The following PDPN variants were observed in gnomAD, a reference collection of about 807,000 sequenced individuals.
PDPN encodes the protein PA2.26 antigen.
A neutral mutation model predicts 23.2 loss-of-function variants in PDPN; 12 were observed. The ratio of observed to expected loss-of-function variants is 0.52; its 90% CI spans 0.33 to 0.84. The LOEUF (loss-of-function observed/expected upper bound fraction) is 0.84. Ranked by LOEUF, PDPN falls within the 40% of genes least tolerant of loss-of-function variation. The pLI is 0.02. For synonymous variants in PDPN, 77 were observed against 76.7 expected (o/e 1.00, Z -0.02); for missense variants, 199 against 212.2 (o/e 0.94, Z 0.39).
At chr1:13,587,245 A>C (rs906990593) in intron 1 of PDPN, among the ~76,000 whole-genome samples, 1 of 152,208 alleles carries the variant, frequency 6.6e-6, no homozygotes, top group Non-Finnish European at 1.5e-5. Flanking sequence ...TCATTCTGCA[A>C]ATAGTTATTA....
chr1:13,593,556 C>T (rs910591996), intron 1 of PDPN, among the ~76,000 whole-genome samples: 5 of 152,174 alleles, frequency 3.3e-5, no homozygotes, highest in Non-Finnish European at 2.9e-5. Flanking sequence ...GGCCAAGGGA[C>T]GCTAGTGGAA....
intron 1 of PDPN, among the ~76,000 whole-genome samples, chr1:13,593,687 A>C (rs776541917): frequency 2.0e-5 from 3 of 152,150 alleles, no homozygotes; most frequent in Non-Finnish European, 4.4e-5. Context: ...TCCCTCTTGC[A>C]AAATCAGGGC....
chr1:13,586,401 A>G (rs1640180020), intron 1 of PDPN, among the ~76,000 whole-genome samples: 1 of 152,208 alleles, frequency 6.6e-6, no homozygotes, highest in African/African-American at 2.4e-5. Flanking sequence ...AGCATTGAAT[A>G]TAGAAAAGCA....
chr1:13,583,861 G>A lies in PDPN; in HGVS notation c.-173G>A. 1 of 1,597,266 alleles carries A rather than the reference G, an allele frequency of 6.3e-7. No individual in the cohort carries two copies. The highest frequency in any genetic ancestry group is 8.5e-7 in the Non-Finnish European group (1 of 1,172,240). On this transcript the variant is annotated 5_prime_UTR_variant, in exon 1 of 6. Transcript: ENST00000621990. ...GCAAAGTTTGCTGTCCGGCTGCCTA[G>A]GGTCTGGGAAGCTCGGGCACCCTCC...
chr1:13,585,594 G>A, intron 1 of PDPN: 9 of 1,352,062 alleles, frequency 6.7e-6, no homozygotes, highest in Non-Finnish European at 8.8e-6. Context: ...TTTGCCCAGG[G>A]AAGCTTTAGC....
intron 1 of PDPN, among the ~76,000 whole-genome samples, chr1:13,588,972 C>T (rs114699846): frequency 1.9e-5 from 1 of 53,272 alleles, no homozygotes; most frequent in African/African-American, 1.3e-4. Context: ...GCCAACAATT[C>T]ATTGAATAGC....
Position 13,607,158 on chromosome 1 carries a change from A to C in PDPN, c.68-15A>C. 1 of 1,612,186 alleles carries C rather than the reference A, an allele frequency of 6.2e-7. No individual in the cohort carries two copies. The highest frequency in any genetic ancestry group is 8.5e-7 in the Non-Finnish European group (1 of 1,179,182). ...AATTTCCACCTTAAGCTCTGACTCAATCTTTCTTCTTCAGCCAGCACAGGC... is the reference window on the plus strand; with the variant it reads ...AATTTCCACCTTAAGCTCTGACTCACTCTTTCTTCTTCAGCCAGCACAGGC... On this transcript the variant is annotated splice_polypyrimidine_tract_variant and intron_variant, in intron 1 of 5. Coordinates refer to ENST00000621990, the MANE Select transcript of PDPN (RefSeq NM_006474.5).
intron 3 of PDPN, among the ~76,000 whole-genome samples, chr1:13,612,419 C>CTTTGATAATGGTATATTAAGAGCCTGGAA (rs2100283295): frequency 1.3e-5 from 2 of 152,266 alleles, no homozygotes; most frequent in South Asian, 4.1e-4. Context: ...CCAATGGTGT[C>CTTTGATAATGGTATATTAAGAGCCTGGAA]TTTGATAATG....
chr1:13,587,971 G>A (rs890956830), intron 1 of PDPN, among the ~76,000 whole-genome samples: 5 of 152,150 alleles, frequency 3.3e-5, no homozygotes, highest in Non-Finnish European at 7.4e-5. Context: ...GAGTGTCTTT[G>A]CCTTGAGAAT....
rs577415977 is a variant in PDPN, at chr1:13,586,609, G to A, written c.67+2509G>A. Among the ~76,000 whole-genome samples the A allele has an allele frequency of 1.3e-4, 20 of 152,168 alleles. No homozygotes were observed. The South Asian group carries it at 3.5e-3, about 27-fold the overall frequency. The stretch of plus-strand genomic sequence containing the variant: ...ACACAACCATCCTCTCATTCCCATC[G>A]CCTGCCATGTGCTAGGAATATTGCT... On this transcript the variant is annotated intron_variant, in intron 1 of 5. Coordinates refer to ENST00000621990, the MANE Select transcript of PDPN (RefSeq NM_006474.5).
chr1:13,588,427 A>C (rs999717319), intron 1 of PDPN, among the ~76,000 whole-genome samples: 1 of 151,966 alleles, frequency 6.6e-6, no homozygotes, highest in East Asian at 1.9e-4. Context: ...AACACAACTC[A>C]TTTAAAAAGC....
intron 1 of PDPN, among the ~76,000 whole-genome samples, chr1:13,586,794 A>C (rs1640191327): frequency 1.4e-5 from 2 of 146,322 alleles, no homozygotes; most frequent in Non-Finnish European, 3.0e-5. Flanking sequence ...GAGGCTGGGC[A>C]TGGTGGCTCA....
chr1:13,616,356 G>T lies in PDPN; in HGVS notation c.*445G>T. The T allele has an allele frequency of 5.3e-6, 1 of 187,050 alleles. No individual in the cohort carries two copies. Among genetic ancestry groups the T allele is most frequent in the East Asian group, 1.4e-4 (1 of 6,938 alleles). The allele number at this position is 187,050 out of a possible 1,614,324, so 11.6% of individuals were successfully genotyped here. On this transcript the variant is annotated 3_prime_UTR_variant, in exon 6 of 6. Transcript: ENST00000621990. ...AGTGCTACGTCAGTAAATAGCACCA[G>T]CATTTTGCAATTGCTGATCTGCTGA...
At chr1:13,591,116 A>G (rs188588166) in intron 1 of PDPN, among the ~76,000 whole-genome samples, 13 of 151,910 alleles carry the variant, frequency 8.6e-5, no homozygotes, top group Admixed American at 7.9e-4. Context: ...TAATCTTTGT[A>G]TTTTCAATAG....
Position 13,607,246 on chromosome 1 carries a change from A to G in PDPN, c.141A>G (p.Glu47=), listed in dbSNP as rs143997478. The change falls in exon 2 of 6, where the codon GAA becomes GAG. Residue 47 remains glutamate (E), a synonymous_variant. Coordinates refer to ENST00000621990, the MANE Select transcript of PDPN (RefSeq NM_006474.5). ...LEGGVAMPGA[E]DDVVTPGTSE... Reference sequence around the variant, plus strand: ...GCGGCGTTGCCATGCCAGGTGCCGAAGATGATGTGGTGACTCCAGGAACCA... The same window carrying G: ...GCGGCGTTGCCATGCCAGGTGCCGAGGATGATGTGGTGACTCCAGGAACCA... 13 of 1,614,044 alleles carry G rather than the reference A, an allele frequency of 8.1e-6. No individual in the cohort carries two copies. In the African/African-American group the frequency reaches 1.6e-4, roughly 20 times the overall value.
Position 13,600,603 on chromosome 1 carries a change from C to T in PDPN, c.68-6570C>T, listed in dbSNP as rs562225259. Among the ~76,000 whole-genome samples the T allele has an allele frequency of 2.0e-3, 298 of 152,258 alleles. 1 individual carries two copies. Among genetic ancestry groups the T allele is most frequent in the Non-Finnish European group, 3.4e-3 (233 of 68,020 alleles). ...TGGTCTTGAACTCCCGACCTCAGGT[C>T]ATCCACCTGCCTTGGCCTCCCAAAG... is the stretch of plus-strand genomic sequence containing the variant. On this transcript the variant is annotated intron_variant, in intron 1 of 5. Transcript: ENST00000621990.
chr1:13,583,896 G>T lies in PDPN; in HGVS notation c.-138G>T. On this transcript the variant is annotated 5_prime_UTR_variant, in exon 1 of 6. Transcript: ENST00000621990. The stretch of plus-strand genomic sequence containing the variant: ...AGCTCGGGCACCCTCCCTCTCCGGG[G>T]CTCCTGCTCCCACCCCTCCGGCCCC... 6.2e-7 allele frequency: 1 copy of T among 1,611,506 alleles called. No homozygotes were observed. The highest frequency in any genetic ancestry group is 1.1e-5 in the South Asian group (1 of 90,842).
chr1:13,584,358 G>C, intron 1 of PDPN: 2 of 1,441,710 alleles, frequency 1.4e-6, no homozygotes, highest in South Asian at 2.9e-5. Flanking sequence ...AGCACAGGGG[G>C]CCTCCCTCCG....
chr1:13,607,403 A>G lies in PDPN; in HGVS notation c.201+97A>G, dbSNP rs1356396078. ...ATTTACTTTATATAAAAATATATCTATCTATAAAATCAGCATGAGCCACCA... is the reference window on the plus strand; with the variant it reads ...ATTTACTTTATATAAAAATATATCTGTCTATAAAATCAGCATGAGCCACCA... On this transcript the variant is annotated intron_variant, in intron 2 of 5. Transcript: ENST00000621990. 17 of 863,914 alleles carry G rather than the reference A, an allele frequency of 2.0e-5. No homozygotes were observed. In the Admixed American group the frequency reaches 2.6e-4, roughly 13 times the overall value. 53.5% of individuals were successfully genotyped at this position (863,914 alleles called of 1,614,324 possible). A position where few individuals can be genotyped will look rare whatever the true frequency, so the allele number is the denominator to read the frequency against.
Sources: gnomAD v4.1 joint callset for allele counts (sites outside exome capture counted in the v4.1 genomes callset) on GRCh38, gnomAD v4.1.1 for gene constraint, MANE v1.5 for transcripts, NCBI Gene and HGNC (gene_info 2026-07-23, HGNC 2026-07-21) for gene names.